MYH3: variants seen among roughly 807,000 people sequenced by gnomAD.
MYH3 encodes myosin heavy chain 3.
Under a neutral mutation model 238.0 loss-of-function variants are expected in MYH3, and 130 were observed. That is an observed-to-expected ratio of 0.55 (90% CI 0.47 to 0.63). The LOEUF is 0.63. MYH3 is among the 30% of genes least tolerant of loss of function. The probability of loss-of-function intolerance (pLI) is 0.00; values close to 1 mark genes in which losing one functional copy is unlikely to be tolerated. For missense variants in MYH3, 1,853 were observed against 2,374.9 expected, an observed-to-expected ratio of 0.78 and a Z score of 4.57; for synonymous variants, 880 against 924.1, an observed-to-expected ratio of 0.95 and a Z score of 0.86.
chr17:10,647,467 T>A, intron 8 of MYH3, 41 bp from the exon 9 acceptor site: 1 of 1,598,222 alleles, frequency 6.3e-7, no homozygotes, highest in Non-Finnish European at 8.6e-7. Context: ...GATTCTACCA[T>A]GGCCCAATAG....
At chr17:10,635,277 C>T in intron 30 of MYH3, 90 bp downstream of exon 30, 1 of 1,601,266 alleles carries the variant, frequency 6.2e-7, no homozygotes, top group African/African-American at 1.3e-5. Flanking sequence ...CATTTAAAGA[C>T]ACATGAGATG....
the MYH3 span, among the ~76,000 whole-genome samples, chr17:10,663,231 G>A: frequency 3.3e-5 from 5 of 152,186 alleles, no homozygotes; most frequent in East Asian, 1.9e-4. Flanking sequence ...TCGAGAAGGC[G>A]TTCACCTCTA....
In MYH3 at chr17:10,656,022, A is replaced by G. The variant is rs12950539; in HGVS notation, c.-9+68T>C. Reference sequence around the variant, plus strand: ...CCTTATGGCCGGTGGGAGGAGGGAGAAAGGAACTGGCAAGCTTGGATTGCC... The same window carrying G: ...CCTTATGGCCGGTGGGAGGAGGGAGGAAGGAACTGGCAAGCTTGGATTGCC... On this transcript the variant is annotated intron_variant, in intron 2 of 40. Transcript: ENST00000583535. 96,315 of 152,094 alleles carry G rather than the reference A, an allele frequency of 0.63. 32,318 individuals are homozygous for G. The highest frequency in any genetic ancestry group is 0.77 in the Non-Finnish European group (52,377 of 68,076). 9.4% of individuals were successfully genotyped at this position (152,094 alleles called of 1,614,324 possible).
intron 29 of MYH3, 30 bp from the exon 30 acceptor site, chr17:10,635,593 G>A (rs769027560): frequency 6.2e-7 from 1 of 1,614,218 alleles, no homozygotes; most frequent in South Asian, 1.1e-5. Context: ...AAGAGCACCT[G>A]ATATATTTAG....
chr17:10,650,492 C>T lies in MYH3; in HGVS notation c.506-91G>A. 2.6e-6 allele frequency: 3 copies of T among 1,154,096 alleles called. No individual in the cohort carries two copies. In the South Asian group the frequency reaches 3.9e-5, roughly 15 times the overall value. The allele number at this position is 1,154,096 out of a possible 1,614,324, so 71.5% of individuals were successfully genotyped here. Reference sequence around the variant, plus strand: ...CTCTCAAGTAGCCAGAGTTAAATTGCACAATTCCTCTTCCTTTACATTTTT... The same window carrying T: ...CTCTCAAGTAGCCAGAGTTAAATTGTACAATTCCTCTTCCTTTACATTTTT... On this transcript the variant is annotated intron_variant, in intron 5 of 40. Transcript: ENST00000583535.
At chr17:10,659,418 A>G (rs2074465188), upstream of MYH3, among the ~76,000 whole-genome samples, 1 of 152,228 alleles carries the variant, frequency 6.6e-6, no homozygotes, top group Non-Finnish European at 1.5e-5. Flanking sequence ...AAAACGTCAC[A>G]GACTCCTAGA....
At chr17:10,655,306 G>A (rs2074416981) in intron 2 of MYH3, among the ~76,000 whole-genome samples, 1 of 152,180 alleles carries the variant, frequency 6.6e-6, no homozygotes, top group Admixed American at 6.5e-5. Context: ...CAGTCTTACA[G>A]CCTATTTAAC....
At position 10,638,106 on chromosome 17, in the gene MYH3, C is replaced by G. The variant is rs1408501571; in HGVS notation, c.3666G>C (p.Lys1222Asn). Reference sequence around the variant, plus strand: ...CATCGATCTCCAGCTTGAACTCGCTCTTCTCCTTCTCCAGCTTCTGCTTGA... The same window carrying G: ...CATCGATCTCCAGCTTGAACTCGCTGTTCTCCTTCTCCAGCTTCTGCTTGA... ...QRVKQKLEKE[K>N]SEFKLEIDDL... The change falls in exon 27 of 41, where the codon AAG becomes AAC. Residue 1222 changes from lysine (K) to asparagine (N), a missense_variant. Physicochemically the swap from Lys to Asn is moderately conservative, Grantham distance 94. Coordinates refer to ENST00000583535, the MANE Select transcript of MYH3 (RefSeq NM_002470.4). 2 of 1,613,838 alleles carry G rather than the reference C, an allele frequency of 1.2e-6. No homozygotes were observed. The highest frequency in any genetic ancestry group is 3.3e-5 in the Admixed American group (2 of 59,952).
the MYH3 span, among the ~76,000 whole-genome samples, chr17:10,669,425 C>T: frequency 5.9e-5 from 9 of 151,818 alleles, no homozygotes; most frequent in Admixed American, 2.6e-4. Flanking sequence ...TGGTGGCTGG[C>T]GCCTGTAATC....
intron 33 of MYH3, among the ~76,000 whole-genome samples, chr17:10,633,332 T>C (rs2074182981): frequency 1.3e-5 from 2 of 152,276 alleles, no homozygotes; most frequent in South Asian, 4.1e-4. Flanking sequence ...AAGCACTTTC[T>C]AGATATTTTT....
chr17:10,637,956 A>T, intron 27 of MYH3, 21 bp from the exon 28 acceptor site: 2 of 1,614,036 alleles, frequency 1.2e-6, no homozygotes. Flanking sequence ...CAGAAAGGGG[A>T]GCAAAGTCAG....
At chr17:10,647,125 G>T in intron 10 of MYH3, 57 bp downstream of exon 10, 2 of 1,248,782 alleles carry the variant, frequency 1.6e-6, no homozygotes, top group Non-Finnish European at 2.4e-6. Flanking sequence ...ACTCTCCTTG[G>T]TCTAGTGATC....
In MYH3 at chr17:10,638,431, GC is replaced by G; in HGVS notation, c.3340del (p.Ala1114LeufsTer10). ...QFQKKIKELQ[A>X]RIEELEEEIE... Reference sequence around the variant, plus strand: ...CTCCTCTTCCAGCTCCTCAATTCGAGCCTGTGGAGGGCAGCCGTTCACCCCG... The same window carrying G: ...CTCCTCTTCCAGCTCCTCAATTCGAGCTGTGGAGGGCAGCCGTTCACCCCG... On this transcript the variant is annotated frameshift_variant and splice_region_variant, in exon 27 of 41. Transcript: ENST00000583535. LOFTEE classifies it high-confidence loss of function. 6.3e-7 allele frequency: 1 copy of G among 1,599,814 alleles called. No individual in the cohort carries two copies. The highest frequency in any genetic ancestry group is 8.5e-7 in the Non-Finnish European group (1 of 1,179,944).
rs756072657 is a variant in MYH3 at position 10,630,404 on chromosome 17, C to T, written c.5341G>A (p.Glu1781Lys). Residue 1781 changes from glutamate (E) to lysine (K), a missense_variant, in exon 37 of 41, where the codon GAG becomes AAG. Coordinates refer to ENST00000583535, the MANE Select transcript of MYH3 (RefSeq NM_002470.4). ...KKEQDTSAHL[E>K]RMKKNLEQTV... ...TGTTCCAGGTTCTTCTTCATCCGCTCAAGGTGGGCGCTGGTGTCCTGCTCC... is the reference window on the plus strand; with the variant it reads ...TGTTCCAGGTTCTTCTTCATCCGCTTAAGGTGGGCGCTGGTGTCCTGCTCC... 3 of 1,614,178 alleles carry T rather than the reference C, an allele frequency of 1.9e-6. No individual in the cohort carries two copies. In the Admixed American group the frequency reaches 5.0e-5, roughly 27 times the overall value.
chr17:10,638,726 C>T, intron 26 of MYH3, 147 bp downstream of exon 26: 1 of 821,318 alleles, frequency 1.2e-6, no homozygotes, highest in Non-Finnish European at 2.0e-6. Context: ...AATGGTTCAT[C>T]ATGGCCAGGC....
intron 28 of MYH3, 42 bp downstream of exon 28, chr17:10,637,767 C>T: frequency 6.2e-7 from 1 of 1,613,048 alleles, no homozygotes; most frequent in Non-Finnish European, 8.5e-7. Context: ...CCATTGGGTG[C>T]CAGGAGGTTT....
chr17:10,653,664 A>T (rs1597494269), intron 3 of MYH3, among the ~76,000 whole-genome samples: 2 of 151,800 alleles, frequency 1.3e-5, no homozygotes, highest in Non-Finnish European at 2.9e-5. Context: ...CCCTGTCCTC[A>T]CCTCCTTTTT....
In MYH3 at chr17:10,640,648, T is replaced by G. The variant is rs140410844; in HGVS notation, c.2204A>C (p.Gln735Pro). 1 of 1,614,204 alleles carries G rather than the reference T, an allele frequency of 6.2e-7. No individual in the cohort carries two copies. The highest frequency in any genetic ancestry group is 1.3e-5 in the African/African-American group (1 of 75,066). The change falls in exon 20 of 41, where the codon CAA (glutamine) becomes CCA (proline). Residue 735 changes from glutamine (Q) to proline (P), a missense_variant. This residue lies in a region of MYH3 where 678 missense variants were observed against 1,058.9 expected (regional missense o/e 0.64). Coordinates refer to ENST00000583535, the MANE Select transcript of MYH3 (RefSeq NM_002470.4). Reference sequence around the variant, plus strand: ...ACAGGCTTTCTTGCTGTCAATGAATTGTCCCTCAGGGATTGCACTGGCATT... The same window carrying G: ...ACAGGCTTTCTTGCTGTCAATGAATGGTCCCTCAGGGATTGCACTGGCATT... Reference protein sequence around the residue: ...VLNASAIPEGQFIDSKKACEK... With the variant: ...VLNASAIPEGPFIDSKKACEK...
rs543678110 is a variant in MYH3, at chr17:10,648,345, C to T, written c.735+212G>A. ...CCCACAGAGAGGTCTTCCCTGCCCA[C>T]CCTGCCTAAAGCAAGCCTGGCCCCC... On this transcript the variant is annotated intron_variant, in intron 8 of 40. Coordinates refer to ENST00000583535, the MANE Select transcript of MYH3 (RefSeq NM_002470.4). Among the ~76,000 whole-genome samples, 15 of 152,330 alleles carry T rather than the reference C, an allele frequency of 9.8e-5. No individual in the cohort carries two copies. In the South Asian group the frequency reaches 3.1e-3, roughly 32 times the overall value.
Sources: gnomAD v4.1 joint callset for allele counts (sites outside exome capture counted in the v4.1 genomes callset) on GRCh38, gnomAD v4.1.1 for gene constraint, gnomAD v4.1.1 regional missense constraint, MANE v1.5 for transcripts, NCBI Gene and HGNC (gene_info 2026-07-23, HGNC 2026-07-21) for gene names.